The following TRIM29 variants were observed in gnomAD, a reference collection of about 807,000 sequenced individuals.
The protein encoded by TRIM29 is tripartite motif containing 29, also known as tripartite motif-containing protein 29.
In TRIM29, 52 loss-of-function variants were observed where a neutral mutation model predicts 57.3. That is an observed-to-expected ratio of 0.91 (90% CI 0.73 to 1.14). TRIM29 has a LOEUF of 1.14. TRIM29 is among the 50% of genes most tolerant of loss of function. The pLI is 0.00. For synonymous variants in TRIM29, 319 were observed against 316.9 expected (o/e 1.01, Z -0.07); for missense variants, 753 against 774.6 (o/e 0.97, Z 0.33).
chr11:120,118,048 C>A, intron 7 of TRIM29, 175 bp downstream of exon 7: 1 of 636,684 alleles, frequency 1.6e-6, no homozygotes, highest in Non-Finnish European at 2.8e-6. Context: ...CCAGCCCCCA[C>A]CCCTGCCCTC....
rs112336766 is a variant in TRIM29, at chr11:120,112,063, G to T, written c.*351C>A. 2.1e-3 allele frequency: 655 copies of T among 308,146 alleles called. 7 individuals are homozygous for T. Among genetic ancestry groups the T allele is most frequent in the African/African-American group, 0.012 (537 of 44,300 alleles). 19.1% of individuals were successfully genotyped at this position (308,146 alleles called of 1,614,324 possible). On this transcript the variant is annotated 3_prime_UTR_variant, in exon 9 of 9. Transcript: ENST00000341846. ...AGGGCGTGGGCGGGAGAGGCAGGCTGATACCATGCGGGTACTCACTGCTAG... is the reference window on the plus strand; with the variant it reads ...AGGGCGTGGGCGGGAGAGGCAGGCTTATACCATGCGGGTACTCACTGCTAG...
At chr11:120,121,672 C>A in intron 5 of TRIM29, 1 of 208,578 alleles carries the variant, frequency 4.8e-6, no homozygotes, top group Non-Finnish European at 1.0e-5. Flanking sequence ...CCCAAGATGC[C>A]CCAGGCCCTA....
intron 8 of TRIM29, 36 bp from the exon 9 acceptor site, chr11:120,112,512 C>G (rs763417554): frequency 9.9e-6 from 16 of 1,611,654 alleles, no homozygotes; most frequent in East Asian, 2.2e-5. Flanking sequence ...CGAGGCCAGA[C>G]GACAGATGAG....
Position 120,137,864 on chromosome 11 carries a change from C to A in TRIM29, c.168G>T (p.Leu56=). 6.2e-7 allele frequency: 1 copy of A among 1,611,752 alleles called. No individual in the cohort carries two copies. Among genetic ancestry groups the A allele is most frequent in the Non-Finnish European group, 8.5e-7 (1 of 1,180,012 alleles). ...CTTCCCCTGGCTTCAGGGCGCTGCCCAGGCTCTTGCCCTCAGCTGCCTCCC... is the reference window on the plus strand; with the variant it reads ...CTTCCCCTGGCTTCAGGGCGCTGCCAAGGCTCTTGCCCTCAGCTGCCTCCC... ...HGGEAAEGKS[L]GSALKPGEGR... The change falls in exon 1 of 9, where the codon CTG becomes CTT. Residue 56 remains leucine, a synonymous_variant. Transcript: ENST00000341846. The surrounding 1 kb of genome is among the most constrained non-coding windows in gnomAD (Gnocchi z 6.2).
chr11:120,113,157 A>T (rs1265027738), intron 8 of TRIM29, among the ~76,000 whole-genome samples: 12 of 152,134 alleles, frequency 7.9e-5, no homozygotes. Flanking sequence ...GCCCCAGTCC[A>T]ACACGGTCCC....
At chr11:120,115,750 C>T in intron 7 of TRIM29, 1 of 276,542 alleles carries the variant, frequency 3.6e-6, no homozygotes, top group South Asian at 4.7e-5. Flanking sequence ...AGGTTTACAC[C>T]ACGGGCCCTC....
intron 8 of TRIM29, among the ~76,000 whole-genome samples, chr11:120,114,285 A>T (rs1028543002): frequency 1.3e-5 from 2 of 151,956 alleles, no homozygotes; most frequent in African/African-American, 4.8e-5. Context: ...TAGAACAGAA[A>T]CCTTCTTTTT....
rs1863329020 is a variant in TRIM29 at position 120,118,223 on chromosome 11, C to T, written c.1627G>A (p.Gly543Ser). 1 of 1,613,786 alleles carries T rather than the reference C, an allele frequency of 6.2e-7. No homozygotes were observed. The highest frequency in any genetic ancestry group is 8.5e-7 in the Non-Finnish European group (1 of 1,179,930). Reference protein sequence around the residue: ...VQGSSSFSLKGYPSLMRSQSP... With the variant: ...VQGSSSFSLKSYPSLMRSQSP... ...CAGGGGCCAGGGTGGGCAAGCTCAC[C>T]TTTCAGGGAGAAGGAGGAGCTGCCT... The change falls in exon 7 of 9, where the codon GGC becomes AGC. Residue 543 changes from glycine to serine, a missense_variant and splice_region_variant. Transcript: ENST00000341846.
rs1257377586 is a variant in TRIM29 at position 120,137,674 on chromosome 11, T to TA, written c.357dup (p.Thr120TyrfsTer102). 1 of 1,613,168 alleles carries TA rather than the reference T, an allele frequency of 6.2e-7. No individual in the cohort carries two copies. The highest frequency in any genetic ancestry group is 1.7e-5 in the Admixed American group (1 of 59,976). ...CGCAGCTCGCCCTTTTCGGCAAAGG[T>TA]AACGGGTGGCTTCTTGGCAGCCCCC... On this transcript the variant is annotated frameshift_variant, in exon 1 of 9. Coordinates refer to ENST00000341846, the MANE Select transcript of TRIM29 (RefSeq NM_012101.4). LOFTEE classifies it high-confidence loss of function. This position sits in a 1 kb window ranked among gnomAD's most constrained non-coding sequence, Gnocchi z 6.2.
At chr11:120,129,885 G>A (rs1271293209) in intron 1 of TRIM29, among the ~76,000 whole-genome samples, 4 of 151,980 alleles carry the variant, frequency 2.6e-5, no homozygotes, top group African/African-American at 9.7e-5. Flanking sequence ...AGTAGCATTT[G>A]CCCCACCAGC....
In TRIM29 at chr11:120,112,391, G is replaced by A. The variant is rs758695501; in HGVS notation, c.*23C>T. The stretch of plus-strand genomic sequence containing the variant: ...TCAGGAGGAAGAGCAGGGGTGTGGC[G>A]CCTCGTTCCTTCCGCCAGGAGCTCA... On this transcript the variant is annotated 3_prime_UTR_variant, in exon 9 of 9. Transcript: ENST00000341846. 60 of 1,613,072 alleles carry A rather than the reference G, an allele frequency of 3.7e-5. No individual in the cohort carries two copies. The highest frequency in any genetic ancestry group is 1.9e-4 in the African/African-American group (14 of 74,966).
intron 8 of TRIM29, among the ~76,000 whole-genome samples, chr11:120,113,329 C>T (rs1185817596): frequency 2.0e-5 from 3 of 152,132 alleles, no homozygotes; most frequent in African/African-American, 7.2e-5. Context: ...CCACCCTGCC[C>T]AGATAACTTC....
chr11:120,127,211 T>G, intron 3 of TRIM29, 125 bp downstream of exon 3: 1 of 758,900 alleles, frequency 1.3e-6, no homozygotes, highest in Non-Finnish European at 2.1e-6. Context: ...GATGGCTGGA[T>G]GGTGGATGAA....
intron 8 of TRIM29, 78 bp downstream of exon 8, chr11:120,115,260 C>T (rs1863236750): frequency 7.0e-7 from 1 of 1,422,478 alleles, no homozygotes; most frequent in African/African-American, 1.4e-5. Flanking sequence ...GGCCCTGGAA[C>T]CGATTGCCTC....
intron 4 of TRIM29, 71 bp from the exon 5 acceptor site, chr11:120,123,126 G>A: frequency 1.5e-6 from 2 of 1,325,482 alleles, no homozygotes; most frequent in South Asian, 1.2e-5. Context: ...GGGACTTTTG[G>A]GGCTCAGATG....
intron 1 of TRIM29, among the ~76,000 whole-genome samples, chr11:120,133,421 G>A (rs1038337927): frequency 6.6e-6 from 1 of 152,358 alleles, no homozygotes; most frequent in South Asian, 2.1e-4. Context: ...GCACTCAGGT[G>A]TGTGCCACAG....
chr11:120,124,022 A>C (rs1591324376), intron 4 of TRIM29: 1 of 154,584 alleles, frequency 6.5e-6, no homozygotes, highest in Non-Finnish European at 1.4e-5. Context: ...ACCGGCCACC[A>C]CCTCCTAGAG....
At chr11:120,122,705 C>T (rs576000109) in intron 5 of TRIM29, among the ~76,000 whole-genome samples, 4 of 152,266 alleles carry the variant, frequency 2.6e-5, no homozygotes, top group East Asian at 1.9e-4. Context: ...CTGTGTGGCC[C>T]GGGAGGAATG....
At position 120,137,491 on chromosome 11, in the gene TRIM29, GC is replaced by G; in HGVS notation, c.540del (p.Lys180AsnfsTer79). On this transcript the variant is annotated frameshift_variant, in exon 1 of 9. Transcript: ENST00000341846. LOFTEE classifies it high-confidence loss of function. The surrounding 1 kb of genome is among the most constrained non-coding windows in gnomAD (Gnocchi z 6.2). ...ACCAGGCAGGACTTGACCGCCTTCT[GC>G]TTGTTGCCGATGCAGGAGTCGCACA... ...EVLCDSCIGN[K>X]QKAVKSCLVC... is the part of the protein sequence containing the mutation. 1 of 1,602,580 alleles carries G rather than the reference GC, an allele frequency of 6.2e-7. No individual in the cohort carries two copies. Among genetic ancestry groups the G allele is most frequent in the East Asian group, 2.2e-5 (1 of 44,796 alleles).
Sources: gnomAD v4.1 joint callset for allele counts (sites outside exome capture counted in the v4.1 genomes callset) on GRCh38, gnomAD v4.1.1 for gene constraint, Gnocchi (gnomAD v3.1) non-coding constraint, MANE v1.5 for transcripts, NCBI Gene and HGNC (gene_info 2026-07-23, HGNC 2026-07-21) for gene names.